ACAD11: variants seen among roughly 807,000 people sequenced by gnomAD.
ACAD11 encodes the protein acyl-CoA dehydrogenase family member 11, also known as acyl-Coenzyme A dehydrogenase family, member 11.
A neutral mutation model predicts 102.2 loss-of-function variants in ACAD11; 83 were observed. The ratio of observed to expected loss-of-function variants is 0.81; its 90% CI spans 0.68 to 0.97. The LOEUF is 0.97. Among genes scored for constraint, ACAD11 ranks in the 50% least tolerant of loss-of-function variants. ACAD11 has a pLI of 0.00. For synonymous variants in ACAD11, 324 were observed against 319.8 expected (o/e 1.01, Z -0.14); for missense variants, 901 against 951.7 (o/e 0.95, Z 0.70).
intron 11 of ACAD11, among the ~76,000 whole-genome samples, chr3:132,611,758 T>C (rs1420430321): frequency 3.3e-5 from 5 of 152,014 alleles, no homozygotes; most frequent in African/African-American, 1.2e-4. Context: ...TTCCATGCTC[T>C]TGGGTAGGAA....
In ACAD11 at chr3:132,605,094, TTAC is replaced by T. The variant is rs765167234; in HGVS notation, c.1522+1_1522+3del. 1.2e-6 allele frequency: 2 copies of T among 1,607,502 alleles called. No homozygotes were observed. The highest frequency in any genetic ancestry group is 2.7e-5 in the African/African-American group (2 of 74,916). ...ACAAGGAGAGAATGGTGATTGGCAT[TTAC>T]CTGTCATACAGAAGCAAGAGGTAAT... is the stretch of plus-strand genomic sequence containing the variant. On this transcript the variant is annotated splice_donor_variant and splice_donor_region_variant and intron_variant, in intron 12 of 19. Transcript: ENST00000264990. LOFTEE classifies it high-confidence loss of function.
chr3:132,609,357 T>C (rs572466481), intron 11 of ACAD11, among the ~76,000 whole-genome samples: 128 of 152,290 alleles, frequency 8.4e-4, no homozygotes, highest in Non-Finnish European at 1.6e-3. Context: ...CAGGAGCTGT[T>C]TTTTTGAAAA....
At position 132,659,699 on chromosome 3, in the gene ACAD11, T is replaced by A. The variant is rs772289840; in HGVS notation, c.53A>T (p.His18Leu). The A allele has an allele frequency of 4.3e-6, 7 of 1,611,648 alleles. No individual in the cohort carries two copies. The highest frequency in any genetic ancestry group is 5.9e-6 in the Non-Finnish European group (7 of 1,178,678). ...CTCCAGGGACTTGCTGTCGAACTTG[T>A]GCTGGGGCAGCACTTCGGCCAAATC... The part of the protein sequence containing the change: ...ESDLAEVLPQ[H>L]KFDSKSLEAY... Residue 18 changes from histidine (H) to leucine (L), a missense_variant, in exon 1 of 20, where the codon CAC becomes CTC. By Grantham distance (99) the His-to-Leu change is moderately conservative (BLOSUM62 -3). Coordinates refer to ENST00000264990, the MANE Select transcript of ACAD11 (RefSeq NM_032169.5).
chr3:132,592,961 A>G (rs1938142113), intron 13 of ACAD11, among the ~76,000 whole-genome samples: 1 of 152,162 alleles, frequency 6.6e-6, no homozygotes, highest in Non-Finnish European at 1.5e-5. Context: ...ATAATGTTAC[A>G]AGCTGCTGCT....
intron 11 of ACAD11, among the ~76,000 whole-genome samples, chr3:132,615,334 G>A (rs1028989330): frequency 7.2e-5 from 11 of 152,036 alleles, no homozygotes; most frequent in East Asian, 1.9e-4. Flanking sequence ...GATATATACC[G>A]AAAGGATTAT....
At chr3:132,565,129 A>G (rs530980477) in intron 17 of ACAD11, among the ~76,000 whole-genome samples, 1 of 152,338 alleles carries the variant, frequency 6.6e-6, no homozygotes, top group South Asian at 2.1e-4. Context: ...CAGAAAAAAC[A>G]TTGGCCCCCA....
At chr3:132,634,076 G>A (rs1489619531) in intron 5 of ACAD11, among the ~76,000 whole-genome samples, 1 of 152,282 alleles carries the variant, frequency 6.6e-6, no homozygotes, top group South Asian at 2.1e-4. Context: ...TTAAACTAAA[G>A]AGCTTCTGCA....
chr3:132,571,451 G>A (rs1190039793), intron 17 of ACAD11, among the ~76,000 whole-genome samples: 1 of 150,128 alleles, frequency 6.7e-6, no homozygotes, highest in Non-Finnish European at 1.5e-5. Context: ...TCTGTAGGTT[G>A]CCTATTTACT....
Position 132,605,180 on chromosome 3 carries a change from G to T in ACAD11, c.1440C>A (p.His480Gln). ...TCTTCTGTTCCTCACTTCCATACAGGTGCAGAACCTCCATATTCCCTGTGT... is the reference window on the plus strand; with the variant it reads ...TCTTCTGTTCCTCACTTCCATACAGTTGCAGAACCTCCATATTCCCTGTGT... Reference protein sequence around the residue: ...APDTGNMEVLHLYGSEEQKKQ... With the variant: ...APDTGNMEVLQLYGSEEQKKQ... The change falls in exon 12 of 20, where the codon CAC becomes CAA. Residue 480 changes from histidine to glutamine, a missense_variant. By Grantham distance (24) the His-to-Gln change is conservative (BLOSUM62 0). Transcript: ENST00000264990. 6.2e-7 allele frequency: 1 copy of T among 1,612,976 alleles called. No individual in the cohort carries two copies. The highest frequency in any genetic ancestry group is 8.5e-7 in the Non-Finnish European group (1 of 1,179,172).
At chr3:132,562,517 T>C (rs1937092270) in intron 17 of ACAD11, among the ~76,000 whole-genome samples, 1 of 152,250 alleles carries the variant, frequency 6.6e-6, no homozygotes, top group African/African-American at 2.4e-5. Flanking sequence ...ATTAAGAAGC[T>C]GACAGTTTTC....
chr3:132,610,647 C>T (rs987254803), intron 11 of ACAD11, among the ~76,000 whole-genome samples: 35 of 152,290 alleles, frequency 2.3e-4, no homozygotes, highest in African/African-American at 8.2e-4. Flanking sequence ...TTCCTAGACA[C>T]ATACACCCTC....
intron 13 of ACAD11, among the ~76,000 whole-genome samples, chr3:132,579,963 A>G (rs1313718258): frequency 6.6e-6 from 1 of 152,150 alleles, no homozygotes; most frequent in East Asian, 1.9e-4. Context: ...TAATTTCTTA[A>G]GGGTCAAATT....
At chr3:132,590,029 G>C (rs925918359) in intron 13 of ACAD11, among the ~76,000 whole-genome samples, 2 of 152,210 alleles carry the variant, frequency 1.3e-5, no homozygotes. Flanking sequence ...TCCTGCAAAA[G>C]ACATGATCTC....
chr3:132,615,585 C>G (rs1939371932), intron 11 of ACAD11, among the ~76,000 whole-genome samples: 1 of 152,052 alleles, frequency 6.6e-6, no homozygotes, highest in Non-Finnish European at 1.5e-5. Context: ...AGCAGAAAAC[C>G]AAACACTGCA....
chr3:132,643,660 G>C (rs1236178005), intron 2 of ACAD11, among the ~76,000 whole-genome samples: 1 of 152,130 alleles, frequency 6.6e-6, no homozygotes, highest in Non-Finnish European at 1.5e-5. Flanking sequence ...CCATGTTCAA[G>C]GTGAGAGCAG....
chr3:132,569,362 G>T (rs962443280), intron 17 of ACAD11, among the ~76,000 whole-genome samples: 2 of 152,074 alleles, frequency 1.3e-5, no homozygotes, highest in Non-Finnish European at 2.9e-5. Context: ...TGGAGAAACT[G>T]AATCACTCAT....
At chr3:132,606,082 T>A (rs1259132467) in intron 11 of ACAD11, among the ~76,000 whole-genome samples, 4 of 152,218 alleles carry the variant, frequency 2.6e-5, no homozygotes, top group Admixed American at 2.6e-4. Context: ...CTGTCAAATT[T>A]CTTAAAATAC....
chr3:132,599,968 T>G (rs1423276486), intron 13 of ACAD11, among the ~76,000 whole-genome samples: 1 of 152,188 alleles, frequency 6.6e-6, no homozygotes, highest in Non-Finnish European at 1.5e-5. Context: ...TTATTCAATT[T>G]GTTGTAGATA....
chr3:132,655,474 G>C (rs780429694), intron 1 of ACAD11, among the ~76,000 whole-genome samples: 26 of 152,196 alleles, frequency 1.7e-4, no homozygotes, highest in Non-Finnish European at 3.4e-4. Context: ...TTTGGGCTGT[G>C]TTTCCTCAAC....
Sources: allele counts gnomAD v4.1 joint callset (sites outside exome capture counted in the v4.1 genomes callset), GRCh38; gene constraint gnomAD v4.1.1; transcripts MANE v1.5; gene names NCBI Gene and HGNC (gene_info 2026-07-23, HGNC 2026-07-21).